Variants in CCDC30 observed in about 807,000 individuals in gnomAD.
CCDC30 encodes coiled-coil domain containing 30.
CCDC30 carries 70 observed loss-of-function variants against 100.2 expected under a neutral mutation model. That is an observed-to-expected ratio of 0.70 (90% confidence interval 0.58 to 0.85). The LOEUF is 0.85. CCDC30 is among the 40% of genes least tolerant of loss of function. The probability of loss-of-function intolerance (pLI) is 0.00; values close to 1 mark genes in which losing one functional copy is unlikely to be tolerated. For missense variants in CCDC30, 652 were observed against 771.2 expected (o/e 0.85, Z 1.83); for synonymous variants, 233 against 269.5 (o/e 0.86, Z 1.33).
At chr1:42,581,120 C>A in intron 8 of CCDC30, 1 of 399,060 alleles carries the variant, frequency 2.5e-6, no homozygotes, top group Non-Finnish European at 4.6e-6. Flanking sequence ...GGATTACAGG[C>A]GTGAGCCAGC....
At chr1:42,539,100 T>G in intron 6 of CCDC30, 73 bp from the exon 8 acceptor site, 1 of 1,235,134 alleles carries the variant, frequency 8.1e-7, no homozygotes, top group Non-Finnish European at 1.1e-6. Context: ...GATTCATTCT[T>G]AAAAATATTA....
rs138662611 is a variant in CCDC30 at position 42,518,541 on chromosome 1, A to G, written c.456+19625A>G. Among the ~76,000 whole-genome samples, 345 of 152,296 alleles carry G rather than the reference A, an allele frequency of 2.3e-3. 2 individuals carry two copies. Among genetic ancestry groups the G allele is most frequent in the African/African-American group, 8.0e-3 (332 of 41,572 alleles). On this transcript the variant is annotated intron_variant, in intron 6 of 16. Coordinates refer to ENST00000668663, the Ensembl canonical transcript of CCDC30. The stretch of plus-strand genomic sequence containing the variant: ...CAAATACCATTTTGTTTAATTGCCT[A>G]TAGTATTTAATACAGTAACATGCTG...
At chr1:42,639,723 G>A (rs918084091) in intron 12 of CCDC30, among the ~76,000 whole-genome samples, 2 of 152,134 alleles carry the variant, frequency 1.3e-5, no homozygotes, top group African/African-American at 4.8e-5. Context: ...AGGCTTTTGT[G>A]AGTATTAAAA....
intron 6 of CCDC30, among the ~76,000 whole-genome samples, chr1:42,541,738 C>T (rs12726458): frequency 0.35 from 52,865 of 152,014 alleles, 9,367 homozygotes; most frequent in East Asian, 0.39. Context: ...TGTTTTGAAT[C>T]TTTGATTTTT....
intron 8 of CCDC30, chr1:42,581,013 AT>A: frequency 2.8e-6 from 1 of 360,024 alleles, no homozygotes; most frequent in Non-Finnish European, 5.4e-6. Flanking sequence ...TAATTTTTGT[AT>A]TTTTTTGTAA....
chr1:42,644,384 T>C (rs1647704154), intron 13 of CCDC30, among the ~76,000 whole-genome samples: 1 of 152,156 alleles, frequency 6.6e-6, no homozygotes, highest in South Asian at 2.1e-4. Context: ...GCTGATTAGA[T>C]TGTGCCCACC....
At chr1:42,546,394 AAAAAAATATATATATATAT>A (rs1213485609) in intron 6 of CCDC30, among the ~76,000 whole-genome samples, 3 of 21,916 alleles carry the variant, frequency 1.4e-4, no homozygotes, top group African/African-American at 4.5e-4. Context: ...TCAAAAAAAA[AAAAAAATATATATATATAT>A]ATATATATAT....
At chr1:42,563,336 C>T (rs1344290814) in intron 6 of CCDC30, among the ~76,000 whole-genome samples, 1 of 152,088 alleles carries the variant, frequency 6.6e-6, no homozygotes, top group Non-Finnish European at 1.5e-5. Context: ...CCATCATCCT[C>T]AGCAAACTAA....
chr1:42,580,788 T>C (rs1213049586), intron 8 of CCDC30: 3 of 455,834 alleles, frequency 6.6e-6, no homozygotes, highest in African/African-American at 2.0e-5. Flanking sequence ...AGCAATATGC[T>C]AATAGGTGCT....
chr1:42,646,312 C>A, exon 15 of CCDC30: 2 of 1,521,810 alleles, frequency 1.3e-6, no homozygotes, highest in South Asian at 1.3e-5. Context: ...ACACTCTGAG[C>A]AGATGGTAGG....
chr1:42,578,567 T>C (rs981254977), intron 8 of CCDC30, among the ~76,000 whole-genome samples: 2 of 152,222 alleles, frequency 1.3e-5, no homozygotes, highest in African/African-American at 4.8e-5. Flanking sequence ...TGGTAAAGAT[T>C]GGCAAGATTT....
chr1:42,629,763 G>A (rs989047488), intron 11 of CCDC30, among the ~76,000 whole-genome samples: 5 of 148,356 alleles, frequency 3.4e-5, no homozygotes, highest in African/African-American at 1.2e-4. Context: ...TCCCAAGTGT[G>A]TGCCACCACA....
chr1:42,620,432 A>G (rs1259894368), intron 11 of CCDC30, among the ~76,000 whole-genome samples: 1 of 152,188 alleles, frequency 6.6e-6, no homozygotes, highest in Non-Finnish European at 1.5e-5. Context: ...AACACCAGTA[A>G]CCTTGAACTG....
chr1:42,643,459 T>C (rs1432682268), intron 13 of CCDC30, among the ~76,000 whole-genome samples: 1 of 152,240 alleles, frequency 6.6e-6, no homozygotes, highest in African/African-American at 2.4e-5. Context: ...GATCTTTTAC[T>C]GTCTGTGTCT....
chr1:42,558,690 C>T (rs933903015), intron 6 of CCDC30, among the ~76,000 whole-genome samples: 3 of 152,034 alleles, frequency 2.0e-5, no homozygotes, highest in Non-Finnish European at 2.9e-5. Context: ...CAGAAGGAGA[C>T]GGGGAGACTG....
intron 16 of CCDC30, 89 bp downstream of exon 20, chr1:42,653,532 G>C: frequency 1.2e-6 from 1 of 845,388 alleles, no homozygotes; most frequent in Non-Finnish European, 2.0e-6. Flanking sequence ...ACTAGTCCTG[G>C]ATTGCTGGCT....
Position 42,608,716 on chromosome 1 carries a change from CAAAAAAAAAAAAA to C in CCDC30, c.1165-2250_1165-2238del, listed in dbSNP as rs3044834. Among the ~76,000 whole-genome samples, 4 of 55,428 alleles carry C rather than the reference CAAAAAAAAAAAAA, an allele frequency of 7.2e-5. No individual in the cohort carries two copies. The East Asian group carries it at 2.3e-3, about 32-fold the overall frequency. The allele number at this position is 55,428 out of a possible 152,430, so 36.4% of individuals were successfully genotyped here. On this transcript the variant is annotated intron_variant, in intron 10 of 16. Transcript: ENST00000668663. ...AGAGCGCGACTCCGTCTCTCTGTCT[CAAAAAAAAAAAAA>C]AAAAAAAAAAAGATATGAATCTTGG...
chr1:42,474,233 G>T (rs1187408652), intron 1 of CCDC30, among the ~76,000 whole-genome samples: 2 of 152,256 alleles, frequency 1.3e-5, no homozygotes, highest in East Asian at 3.9e-4. Flanking sequence ...AGGCAGATGG[G>T]GGTGAAAAGT....
At chr1:42,606,425 C>G (rs1646502421) in intron 10 of CCDC30, among the ~76,000 whole-genome samples, 1 of 152,194 alleles carries the variant, frequency 6.6e-6, no homozygotes, top group Non-Finnish European at 1.5e-5. Flanking sequence ...TTACAGGCAT[C>G]TGCTACCACA....
Sources: allele counts gnomAD v4.1 joint callset (sites outside exome capture counted in the v4.1 genomes callset), GRCh38; gene constraint gnomAD v4.1.1; transcripts MANE v1.5; gene names NCBI Gene and HGNC (gene_info 2026-07-23, HGNC 2026-07-21).